XYLT1: variants seen among roughly 807,000 people sequenced by gnomAD.
XYLT1 encodes xylosyltransferase 1.
In XYLT1, 36 loss-of-function variants were observed where a neutral mutation model predicts 91.3. That is an observed-to-expected ratio of 0.39 (90% CI 0.30 to 0.52). XYLT1 has a LOEUF of 0.52. XYLT1 is among the 20% of genes least tolerant of loss of function. XYLT1 has a pLI of 0.68. For missense variants in XYLT1, 1,242 were observed against 1,284.5 expected (o/e 0.97, Z 0.51); for synonymous variants, 588 against 532.0 (o/e 1.11, Z -1.45).
chr16:17,258,126 G>A (rs1224527108), intron 3 of XYLT1, among the ~76,000 whole-genome samples: 1 of 151,100 alleles, frequency 6.6e-6, no homozygotes, highest in Non-Finnish European at 1.5e-5. Context: ...GAAAGAGGGA[G>A]GGGAAAAGCA....
chr16:17,465,107 G>T (rs1160799105), intron 1 of XYLT1, among the ~76,000 whole-genome samples: 2 of 113,886 alleles, frequency 1.8e-5, no homozygotes, highest in Non-Finnish European at 3.2e-5. Context: ...TCACGCCACT[G>T]CCCTCCAGCC....
intron 9 of XYLT1, among the ~76,000 whole-genome samples, chr16:17,131,111 A>G (rs1343059644): frequency 6.6e-6 from 1 of 152,186 alleles, no homozygotes; most frequent in Non-Finnish European, 1.5e-5. Flanking sequence ...CTCCGTGCCT[A>G]ACACACAGGC....
In XYLT1 at chr16:17,128,119, T is replaced by C. The variant is rs149299661; in HGVS notation, c.2028-258A>G. Among the ~76,000 whole-genome samples the C allele has an allele frequency of 9.6e-4, 146 of 152,322 alleles. 2 individuals carry two copies. Among genetic ancestry groups the C allele is most frequent in the African/African-American group, 3.2e-3 (133 of 41,576 alleles). ...TGACTACTTTCCATGCCTCTTCCCA[T>C]ACATAATGTCCATTCACAGATATTG... On this transcript the variant is annotated intron_variant, in intron 9 of 11. Coordinates refer to ENST00000261381, the MANE Select transcript of XYLT1 (RefSeq NM_022166.4).
chr16:17,147,070 A>G (rs975026603), intron 6 of XYLT1, among the ~76,000 whole-genome samples: 6 of 152,220 alleles, frequency 3.9e-5, no homozygotes, highest in Admixed American at 1.3e-4. Flanking sequence ...CAGACAGACA[A>G]TGGAAGACAG....
intron 5 of XYLT1, among the ~76,000 whole-genome samples, chr16:17,179,408 C>T (rs1009688336): frequency 3.3e-5 from 5 of 152,224 alleles, no homozygotes; most frequent in South Asian, 2.1e-4. Context: ...GTTGATCCCT[C>T]GCCTGATAAC....
chr16:17,372,758 A>G (rs1017503283), intron 1 of XYLT1, among the ~76,000 whole-genome samples: 2 of 152,190 alleles, frequency 1.3e-5, no homozygotes, highest in Non-Finnish European at 2.9e-5. Context: ...TTTGAACTTG[A>G]GCAAATTACT....
chr16:17,404,506 C>G (rs1255718063), intron 1 of XYLT1, among the ~76,000 whole-genome samples: 1 of 152,180 alleles, frequency 6.6e-6, no homozygotes, highest in Non-Finnish European at 1.5e-5. Context: ...CCCCATTATA[C>G]AGGTGAGAAA....
chr16:17,349,041 G>A (rs894069121), intron 2 of XYLT1, among the ~76,000 whole-genome samples: 5 of 152,344 alleles, frequency 3.3e-5, no homozygotes, highest in East Asian at 1.9e-4. Flanking sequence ...AGTCAATGGC[G>A]GTGGGGGTGC....
intron 2 of XYLT1, among the ~76,000 whole-genome samples, chr16:17,287,619 G>A (rs2034161194): frequency 6.6e-6 from 1 of 152,224 alleles, no homozygotes; most frequent in Non-Finnish European, 1.5e-5. Flanking sequence ...GCTTGCCTCT[G>A]GGGAGCCCTC....
chr16:17,117,532 T>A, intron 11 of XYLT1, 114 bp downstream of exon 11: 1 of 1,144,942 alleles, frequency 8.7e-7, no homozygotes. Context: ...GGAGTGCTGT[T>A]CTGTGAGGCC....
At chr16:17,142,181 G>A (rs2030997190) in intron 6 of XYLT1, among the ~76,000 whole-genome samples, 1 of 152,126 alleles carries the variant, frequency 6.6e-6, no homozygotes, top group Non-Finnish European at 1.5e-5. Context: ...GCACCGCCAT[G>A]TCTGGCTGCT....
At chr16:17,333,343 AAGG>A (rs1468322036) in intron 2 of XYLT1, among the ~76,000 whole-genome samples, 6 of 152,208 alleles carry the variant, frequency 3.9e-5, no homozygotes, top group Non-Finnish European at 8.8e-5. Context: ...AAAAAGCATT[AAGG>A]AGATGTTTTA....
chr16:17,253,859 A>AGAGAGAGAGC lies in XYLT1; in HGVS notation c.913+5128_913+5129insGCTCTCTCTC, dbSNP rs1555491314. 8.8e-4 allele frequency among the ~76,000 whole-genome samples: 129 copies of AGAGAGAGAGC among 146,242 alleles called. 2 individuals carry two copies. In the Middle Eastern group the frequency reaches 0.014, roughly 16 times the overall value. ...GAGAGAGAGAGAGAGAGAGAGAGAG[A>AGAGAGAGAGC]GAGCGAGCCTGCAGGTGGAAGAACA... On this transcript the variant is annotated intron_variant, in intron 3 of 11. Coordinates refer to ENST00000261381, the MANE Select transcript of XYLT1 (RefSeq NM_022166.4).
At chr16:17,180,557 G>T (rs545954233) in intron 5 of XYLT1, among the ~76,000 whole-genome samples, 2 of 152,292 alleles carry the variant, frequency 1.3e-5, no homozygotes, top group South Asian at 4.1e-4. Flanking sequence ...GAGGAGAAAG[G>T]ACATAGGAGA....
At chr16:17,137,956 C>T (rs2030807112) in intron 8 of XYLT1, among the ~76,000 whole-genome samples, 1 of 152,144 alleles carries the variant, frequency 6.6e-6, no homozygotes, top group African/African-American at 2.4e-5. Flanking sequence ...AAGCTCAGCC[C>T]TAGATATATA....
In XYLT1 at chr16:17,199,951, G is replaced by A. The variant is rs570137209; in HGVS notation, c.1086+531C>T. ...GAAACAGCATTTAGGGGCCGGGCAC[G>A]GTGGCTCACACCTGTAATCCCAGCA... On this transcript the variant is annotated intron_variant, in intron 4 of 11. Transcript: ENST00000261381. 7.2e-5 allele frequency among the ~76,000 whole-genome samples: 11 copies of A among 152,130 alleles called. 1 individual carries two copies. Among genetic ancestry groups the A allele is most frequent in the Middle Eastern group, 3.4e-3 (1 of 294 alleles).
chr16:17,358,125 C>CCT, intron 1 of XYLT1, 75 bp from the exon 2 acceptor site: 1 of 1,275,630 alleles, frequency 7.8e-7, no homozygotes. Context: ...CTTTTTCTTT[C>CCT]TTTCCTTTTT....
chr16:17,360,848 A>G (rs766693698), intron 1 of XYLT1, among the ~76,000 whole-genome samples: 1 of 152,216 alleles, frequency 6.6e-6, no homozygotes, highest in Non-Finnish European at 1.5e-5. Flanking sequence ...CCTGGAGACC[A>G]AAGGGGAATT....
In XYLT1 at chr16:17,470,450, A is replaced by G; in HGVS notation, c.347T>C (p.Leu116Pro). The G allele has an allele frequency of 8.1e-7, 1 of 1,231,352 alleles. No individual in the cohort carries two copies. Among genetic ancestry groups the G allele is most frequent in the Non-Finnish European group, 1.0e-6 (1 of 987,380 alleles). 76.3% of individuals were successfully genotyped at this position (1,231,352 alleles called of 1,614,324 possible). Residue 116 changes from leucine to proline, a missense_variant, in exon 1 of 12, where the codon CTG becomes CCG. Leu to Pro is a moderately conservative substitution (Grantham distance 98). This residue lies in a region of XYLT1 where 437 missense variants were observed against 411.5 expected (regional missense o/e 1.06). Transcript: ENST00000261381. ...GCATCTTACCAGAGCCCGGGCGGGC[A>G]GTGCCCCCCGGCTGGCCGGCTGCTG... ...RGQQPASRGA[L>P]PARALDPHPS... is the part of the protein sequence containing the mutation.
Sources: gnomAD v4.1 joint callset for allele counts (sites outside exome capture counted in the v4.1 genomes callset) on GRCh38, gnomAD v4.1.1 for gene constraint, gnomAD v4.1.1 regional missense constraint, MANE v1.5 for transcripts, NCBI Gene and HGNC (gene_info 2026-07-23, HGNC 2026-07-21) for gene names.